DGKB: variants seen among roughly 807,000 people sequenced by gnomAD.
The protein encoded by DGKB is diacylglycerol kinase beta.
In DGKB, 67 loss-of-function variants were observed where a neutral mutation model predicts 114.3. That is an observed-to-expected ratio of 0.59 (90% CI 0.48 to 0.72). DGKB has a LOEUF of 0.72. Ranked by LOEUF, DGKB falls within the 30% of genes least tolerant of loss-of-function variation. The pLI is 0.00. For missense variants in DGKB, 907 were observed against 975.2 expected, an observed-to-expected ratio of 0.93 and a Z score of 0.93; for synonymous variants, 398 against 323.1, an observed-to-expected ratio of 1.23 and a Z score of -2.49.
At chr7:14,396,210 C>T (rs1267317563) in intron 21 of DGKB, among the ~76,000 whole-genome samples, 2 of 152,016 alleles carry the variant, frequency 1.3e-5, no homozygotes, top group East Asian at 1.9e-4. Flanking sequence ...AAAAATTTCA[C>T]ATTTTTTTCT....
intron 23 of DGKB, among the ~76,000 whole-genome samples, chr7:14,262,320 T>G (rs1038547871): frequency 3.9e-5 from 6 of 152,138 alleles, no homozygotes; most frequent in African/African-American, 1.4e-4. Flanking sequence ...GGTGGTGCCT[T>G]TAGGAGGTAA....
chr7:14,295,615 A>AC (rs1195030582), intron 23 of DGKB, among the ~76,000 whole-genome samples: 67 of 152,134 alleles, frequency 4.4e-4, no homozygotes, highest in African/African-American at 1.6e-3. Flanking sequence ...TTTCAATACA[A>AC]CTATCTCAAA....
chr7:14,148,674 A>T lies in DGKB; in HGVS notation c.*457T>A. 1.1e-5 allele frequency: 2 copies of T among 187,728 alleles called. No individual in the cohort carries two copies. The highest frequency in any genetic ancestry group is 1.9e-4 in the South Asian group (2 of 10,324). 11.6% of individuals were successfully genotyped at this position (187,728 alleles called of 1,614,324 possible). Reference sequence around the variant, plus strand: ...TTTCTCCTCAAGTCATAGGTCACTGATACACTGATTCTAAAAGGGAAACGT... The same window carrying T: ...TTTCTCCTCAAGTCATAGGTCACTGTTACACTGATTCTAAAAGGGAAACGT... On this transcript the variant is annotated 3_prime_UTR_variant, in exon 26 of 26. Coordinates refer to ENST00000402815, the MANE Select transcript of DGKB (RefSeq NM_001350709.2).
At chr7:14,557,509 T>C (rs1384025866) in intron 20 of DGKB, among the ~76,000 whole-genome samples, 1 of 152,080 alleles carries the variant, frequency 6.6e-6, no homozygotes, top group African/African-American at 2.4e-5. Flanking sequence ...GTCAATTGCA[T>C]CTTAACTTTC....
At chr7:14,895,986 G>A (rs924585231) in intron 1 of DGKB, among the ~76,000 whole-genome samples, 2 of 151,680 alleles carry the variant, frequency 1.3e-5, no homozygotes, top group Non-Finnish European at 3.0e-5. Context: ...TCTTTTCTGC[G>A]TGAAGTTTTG....
At chr7:14,564,917 T>C (rs987001890) in intron 20 of DGKB, among the ~76,000 whole-genome samples, 3 of 152,138 alleles carry the variant, frequency 2.0e-5, no homozygotes, top group East Asian at 1.9e-4. Context: ...TTCTTCTCTT[T>C]TTGAGCTCTC....
intron 1 of DGKB, among the ~76,000 whole-genome samples, chr7:14,842,671 GT>G (rs1389917745): frequency 3.3e-5 from 5 of 152,168 alleles, no homozygotes; most frequent in Admixed American, 6.5e-5. Context: ...GTTACAGGCA[GT>G]TTTGGTGGGA....
intron 23 of DGKB, among the ~76,000 whole-genome samples, chr7:14,313,597 C>T (rs1235283927): frequency 4.6e-5 from 7 of 152,170 alleles, no homozygotes; most frequent in East Asian, 3.9e-4. Flanking sequence ...CAGCGCACCA[C>T]GAGATTATAT....
chr7:14,309,752 A>T (rs1805063611), intron 23 of DGKB, among the ~76,000 whole-genome samples: 1 of 152,188 alleles, frequency 6.6e-6, no homozygotes, highest in Non-Finnish European at 1.5e-5. Context: ...TGACAACCAG[A>T]CAAATACTGA....
chr7:14,648,324 T>G (rs1236773318), intron 13 of DGKB, among the ~76,000 whole-genome samples: 1 of 152,180 alleles, frequency 6.6e-6, no homozygotes, highest in Non-Finnish European at 1.5e-5. Context: ...CCTCCTCAAG[T>G]GGGTCCCTGA....
chr7:14,446,558 A>G (rs10263051), intron 21 of DGKB, among the ~76,000 whole-genome samples: 4,086 of 152,258 alleles, frequency 0.027, 208 homozygotes, highest in African/African-American at 0.092. Context: ...ACCTTGACTT[A>G]TGATCACATT....
chr7:14,265,960 T>C (rs189942542), intron 23 of DGKB, among the ~76,000 whole-genome samples: 1 of 152,278 alleles, frequency 6.6e-6, no homozygotes, highest in African/African-American at 2.4e-5. Flanking sequence ...GTAAGAACAG[T>C]GGCGAAAGAG....
intron 23 of DGKB, among the ~76,000 whole-genome samples, chr7:14,304,060 C>CAA: frequency 1.9e-5 from 1 of 53,464 alleles, no homozygotes; most frequent in Non-Finnish European, 3.6e-5. Flanking sequence ...CACACACACA[C>CAA]ACACACACAC....
chr7:14,149,279 A>T (rs375134313), intron 25 of DGKB, 41 bp from the exon 26 acceptor site: 78 of 1,460,804 alleles, frequency 5.3e-5, no homozygotes, highest in Non-Finnish European at 7.4e-5. Context: ...AGAATAGAGT[A>T]ATCTCCAGAT....
chr7:14,631,269 A>G (rs1230220377), intron 13 of DGKB, among the ~76,000 whole-genome samples: 2 of 149,822 alleles, frequency 1.3e-5, no homozygotes, highest in South Asian at 2.1e-4. Flanking sequence ...GAACCAAAAA[A>G]AAAAAAAAAA....
intron 17 of DGKB, among the ~76,000 whole-genome samples, chr7:14,590,653 A>G (rs1801550728): frequency 6.6e-6 from 1 of 152,072 alleles, no homozygotes; most frequent in Non-Finnish European, 1.5e-5. Flanking sequence ...AAACTCATTC[A>G]TTCCTTACTA....
chr7:14,677,904 A>G (rs1820148674), intron 12 of DGKB, among the ~76,000 whole-genome samples: 1 of 152,062 alleles, frequency 6.6e-6, no homozygotes, highest in Admixed American at 6.6e-5. Flanking sequence ...TTACAAATGA[A>G]CAGAAAATTT....
At chr7:14,247,642 G>A (rs1794675438) in intron 23 of DGKB, among the ~76,000 whole-genome samples, 1 of 151,946 alleles carries the variant, frequency 6.6e-6, no homozygotes, top group Admixed American at 6.6e-5. Context: ...CCATTTGTAT[G>A]TCTCCTTTTG....
intron 23 of DGKB, among the ~76,000 whole-genome samples, chr7:14,204,778 G>A (rs976408056): frequency 6.6e-6 from 1 of 152,004 alleles, no homozygotes; most frequent in African/African-American, 2.4e-5. Flanking sequence ...ACAGGGCCAC[G>A]AGTATGGGAA....
Sources: allele counts gnomAD v4.1 joint callset (sites outside exome capture counted in the v4.1 genomes callset), GRCh38; gene constraint gnomAD v4.1.1; transcripts MANE v1.5; gene names NCBI Gene and HGNC (gene_info 2026-07-23, HGNC 2026-07-21).